Variants in TBC1D22B observed in about 807,000 individuals in gnomAD.
The protein encoded by TBC1D22B is TBC1 domain family member 22B.
Under a neutral mutation model 69.1 loss-of-function variants are expected in TBC1D22B, and 32 were observed. The observed-to-expected ratio is 0.46, with a 90% CI of 0.35 to 0.62. The LOEUF (loss-of-function observed/expected upper bound fraction) is 0.62, where lower values mean the gene tolerates loss of function less well. TBC1D22B is among the 20% of genes least tolerant of loss of function. The pLI is 0.00. For synonymous variants in TBC1D22B, 206 were observed against 229.8 expected (o/e 0.90, Z 0.94); for missense variants, 462 against 630.9 (o/e 0.73, Z 2.87).
chr6:37,264,237 G>T (rs1357020024), intron 1 of TBC1D22B, among the ~76,000 whole-genome samples: 1 of 152,168 alleles, frequency 6.6e-6, no homozygotes, highest in Non-Finnish European at 1.5e-5. Flanking sequence ...AAAAATGAGT[G>T]TGAAAAATGC....
rs761560251 is a variant in TBC1D22B, at chr6:37,287,062, T to C, written c.857T>C (p.Leu286Pro). The C allele has an allele frequency of 6.9e-6, 11 of 1,603,910 alleles. No individual in the cohort carries two copies. Among genetic ancestry groups the C allele is most frequent in the Middle Eastern group, 3.3e-4 (2 of 6,042 alleles). The change falls in exon 7 of 13, where the codon CTT becomes CCT. Residue 286 changes from leucine (L) to proline (P), a missense_variant. Coordinates refer to ENST00000373491, the MANE Select transcript of TBC1D22B (RefSeq NM_017772.4). ...NPLIPLFQQP[L>P]VQEIFERILF... ...CTCATTCCGTTGTTCCAGCAACCAC[T>C]TGTACAGGAGGTGAGGGAATTACTT...
intron 12 of TBC1D22B, among the ~76,000 whole-genome samples, chr6:37,320,555 A>C (rs192543107): frequency 6.6e-6 from 1 of 152,146 alleles, no homozygotes; most frequent in Non-Finnish European, 1.5e-5. Flanking sequence ...TTTCTAATTA[A>C]GTGGTTTTTA....
chr6:37,293,579 CACA>C (rs987904791), intron 8 of TBC1D22B, among the ~76,000 whole-genome samples: 150 of 152,194 alleles, frequency 9.9e-4, no homozygotes, highest in African/African-American at 3.4e-3. Flanking sequence ...TTCCCTGAGA[CACA>C]ACAATATTCA....
At chr6:37,309,176 G>C (rs1302646617) in intron 8 of TBC1D22B, among the ~76,000 whole-genome samples, 2 of 152,210 alleles carry the variant, frequency 1.3e-5, no homozygotes. Context: ...GACACAGAAA[G>C]TAAAGCCATT....
At chr6:37,305,787 T>C (rs1378265650) in intron 8 of TBC1D22B, among the ~76,000 whole-genome samples, 6 of 152,238 alleles carry the variant, frequency 3.9e-5, no homozygotes, top group Non-Finnish European at 5.9e-5. Context: ...CCCAAAGTGC[T>C]AGGATTACAG....
chr6:37,259,015 AT>A (rs11379140), intron 1 of TBC1D22B, among the ~76,000 whole-genome samples: 112 of 137,910 alleles, frequency 8.1e-4, no homozygotes, highest in African/African-American at 8.5e-4. Flanking sequence ...AAGAGCCTTA[AT>A]TTTTTTTTTT....
intron 7 of TBC1D22B, among the ~76,000 whole-genome samples, chr6:37,290,515 T>G (rs563582924): frequency 6.6e-6 from 1 of 152,146 alleles, no homozygotes; most frequent in Non-Finnish European, 1.5e-5. Flanking sequence ...AGATCTTTCC[T>G]TTGTCCCCAG....
At chr6:37,271,243 C>T (rs1030923007) in intron 2 of TBC1D22B, among the ~76,000 whole-genome samples, 2 of 152,050 alleles carry the variant, frequency 1.3e-5, no homozygotes, top group African/African-American at 2.4e-5. Context: ...ACCCTGGGAG[C>T]CAGGGGTTGC....
At chr6:37,262,197 A>T (rs1175567874) in intron 1 of TBC1D22B, among the ~76,000 whole-genome samples, 2 of 151,650 alleles carry the variant, frequency 1.3e-5, no homozygotes, top group Non-Finnish European at 2.9e-5. Flanking sequence ...TGCCCAGCTA[A>T]TTTTTGTATT....
At chr6:37,269,810 T>C (rs991521488) in intron 2 of TBC1D22B, among the ~76,000 whole-genome samples, 160 bp downstream of exon 2, 1 of 152,244 alleles carries the variant, frequency 6.6e-6, no homozygotes, top group Non-Finnish European at 1.5e-5. Flanking sequence ...AAATGGTCCA[T>C]TGCTAAATGG....
chr6:37,284,996 G>A (rs1183502356), intron 6 of TBC1D22B, among the ~76,000 whole-genome samples: 1 of 152,206 alleles, frequency 6.6e-6, no homozygotes, highest in Non-Finnish European at 1.5e-5. Context: ...GCTTTCAGTA[G>A]TCTTGTCAGG....
chr6:37,273,034 G>C (rs746871983), intron 2 of TBC1D22B, among the ~76,000 whole-genome samples: 2 of 152,078 alleles, frequency 1.3e-5, no homozygotes, highest in African/African-American at 4.8e-5. Flanking sequence ...CTGGGGGAGG[G>C]TTCTTGGAAA....
intron 2 of TBC1D22B, among the ~76,000 whole-genome samples, chr6:37,277,263 A>G (rs895279220): frequency 7.9e-5 from 12 of 152,150 alleles, no homozygotes; most frequent in African/African-American, 2.9e-4. Flanking sequence ...TAATAACCAC[A>G]TACTCCTGGG....
At chr6:37,278,806 A>G (rs1766739266) in intron 2 of TBC1D22B, among the ~76,000 whole-genome samples, 1 of 151,916 alleles carries the variant, frequency 6.6e-6, no homozygotes, top group Non-Finnish European at 1.5e-5. Context: ...CGTGGTGTAC[A>G]CCTGTAGTCC....
intron 8 of TBC1D22B, among the ~76,000 whole-genome samples, chr6:37,302,329 T>C (rs187785223): frequency 8.5e-5 from 13 of 152,336 alleles, no homozygotes; most frequent in Admixed American, 8.5e-4. Flanking sequence ...CCTGGGGAGA[T>C]AAAGTCTCTG....
intron 6 of TBC1D22B, among the ~76,000 whole-genome samples, chr6:37,284,818 G>A (rs980612439): frequency 2.0e-5 from 3 of 152,186 alleles, no homozygotes; most frequent in African/African-American, 7.2e-5. Flanking sequence ...CCCTTGCAAT[G>A]CTGCTGCTGC....
chr6:37,262,377 C>G (rs1766134950), intron 1 of TBC1D22B, among the ~76,000 whole-genome samples: 1 of 152,002 alleles, frequency 6.6e-6, no homozygotes, highest in African/African-American at 2.4e-5. Flanking sequence ...AGAGACAGGT[C>G]TTGCCATGTT....
intron 1 of TBC1D22B, among the ~76,000 whole-genome samples, chr6:37,268,689 T>G (rs1197971205): frequency 6.6e-6 from 1 of 152,238 alleles, no homozygotes; most frequent in Non-Finnish European, 1.5e-5. Flanking sequence ...TCCTTTTATG[T>G]CATTTACTCC....
chr6:37,271,849 CTT>C (rs35838317), intron 2 of TBC1D22B, among the ~76,000 whole-genome samples: 2,555 of 120,898 alleles, frequency 0.021, 25 homozygotes, highest in South Asian at 0.027. Flanking sequence ...AAGGTGCATG[CTT>C]TTTTTTTTTT....
Sources: gnomAD v4.1 joint callset for allele counts (sites outside exome capture counted in the v4.1 genomes callset) on GRCh38, gnomAD v4.1.1 for gene constraint, MANE v1.5 for transcripts, NCBI Gene and HGNC (gene_info 2026-07-23, HGNC 2026-07-21) for gene names.